The following GPC5 variants were observed in gnomAD, a reference collection of about 807,000 sequenced individuals.
The protein encoded by GPC5 is glypican-5.
In GPC5, 47 loss-of-function variants were observed where a neutral mutation model predicts 53.9. The ratio of observed to expected loss-of-function variants is 0.87; its 90% confidence interval spans 0.69 to 1.11. GPC5 has a LOEUF of 1.11. GPC5 is among the 50% of genes most tolerant of loss of function. The pLI, the probability that GPC5 is intolerant of heterozygous loss-of-function variation, is 0.00. For missense variants in GPC5, 748 were observed against 713.1 expected (o/e 1.05, Z -0.56); for synonymous variants, 286 against 263.3 (o/e 1.09, Z -0.84).
At position 92,286,125 on chromosome 13, in the gene GPC5, A is replaced by G. The variant is rs1468235114; in HGVS notation, c.1561+141136A>G. Among the ~76,000 whole-genome samples the G allele has an allele frequency of 3.9e-5, 6 of 152,340 alleles. No individual in the cohort carries two copies. In the East Asian group the frequency reaches 1.2e-3, roughly 29 times the overall value. ...GAAGACCTTTATGCAGCCAACAGAC[A>G]CGTGAAAAAATGCTCATCATCACTG... On this transcript the variant is annotated intron_variant, in intron 7 of 7. Transcript: ENST00000377067.
At chr13:91,904,230 T>C (rs2039530567) in intron 5 of GPC5, among the ~76,000 whole-genome samples, 1 of 148,298 alleles carries the variant, frequency 6.7e-6, no homozygotes, top group Non-Finnish European at 1.5e-5. Context: ...ACATGGTCAG[T>C]GTGGTGTGAT....
At chr13:92,610,053 A>AAAAAAAAAAAAC (rs1422222293) in intron 7 of GPC5, among the ~76,000 whole-genome samples, 1 of 151,332 alleles carries the variant, frequency 6.6e-6, no homozygotes. Flanking sequence ...AAAAAAAAAA[A>AAAAAAAAAAAAC]AATGAAGTTC....
chr13:91,661,859 C>A (rs977858944), intron 2 of GPC5, among the ~76,000 whole-genome samples: 4 of 152,134 alleles, frequency 2.6e-5, no homozygotes, highest in African/African-American at 9.7e-5. Flanking sequence ...ATTCAGGGCC[C>A]TGTGGGACTT....
At chr13:91,838,621 G>A (rs1262308891) in intron 5 of GPC5, among the ~76,000 whole-genome samples, 1 of 152,008 alleles carries the variant, frequency 6.6e-6, no homozygotes, top group Non-Finnish European at 1.5e-5. Context: ...TGGAATAGAT[G>A]AAAAGATTGG....
At chr13:92,528,059 G>A (rs1040662261) in intron 7 of GPC5, among the ~76,000 whole-genome samples, 2 of 152,030 alleles carry the variant, frequency 1.3e-5, no homozygotes, top group Non-Finnish European at 2.9e-5. Flanking sequence ...GGAAAAAAAT[G>A]ATTGAAATAT....
intron 7 of GPC5, among the ~76,000 whole-genome samples, chr13:92,825,313 A>G (rs887801198): frequency 7.9e-5 from 12 of 152,290 alleles, no homozygotes; most frequent in Admixed American, 5.2e-4. Context: ...AGGACACCAA[A>G]GGTAGTCCTA....
intron 4 of GPC5, among the ~76,000 whole-genome samples, chr13:91,735,478 T>G (rs2036795014): frequency 6.6e-6 from 1 of 151,388 alleles, no homozygotes; most frequent in African/African-American, 2.5e-5. Context: ...GCTTTTGCTT[T>G]TAAGGATTTT....
At chr13:91,663,515 T>G (rs2035034864) in intron 2 of GPC5, among the ~76,000 whole-genome samples, 1 of 152,204 alleles carries the variant, frequency 6.6e-6, no homozygotes, top group South Asian at 2.1e-4. Flanking sequence ...TGGAGTGCAG[T>G]GGCATGTTCA....
At chr13:92,834,292 G>T (rs1878150496) in intron 7 of GPC5, among the ~76,000 whole-genome samples, 1 of 152,130 alleles carries the variant, frequency 6.6e-6, no homozygotes, top group Admixed American at 6.5e-5. Flanking sequence ...AAAAAACTTT[G>T]CATATTTTAC....
At chr13:91,468,123 G>A (rs1460559564) in intron 2 of GPC5, among the ~76,000 whole-genome samples, 4 of 152,136 alleles carry the variant, frequency 2.6e-5, no homozygotes, top group Non-Finnish European at 5.9e-5. Context: ...CAGTGCCTCT[G>A]CTTGGCAGCT....
chr13:92,098,777 G>T (rs866237205), intron 6 of GPC5, among the ~76,000 whole-genome samples: 6 of 152,162 alleles, frequency 3.9e-5, no homozygotes, highest in African/African-American at 1.2e-4. Context: ...GGAGACAGCT[G>T]TGTGATGCTT....
intron 7 of GPC5, among the ~76,000 whole-genome samples, chr13:92,212,452 A>G (rs1250493997): frequency 6.6e-6 from 1 of 152,198 alleles, no homozygotes; most frequent in Admixed American, 6.5e-5. Flanking sequence ...AAAATTCATG[A>G]GCAGCTTTGT....
chr13:92,432,456 T>C (rs1877133906), intron 7 of GPC5, among the ~76,000 whole-genome samples: 1 of 149,390 alleles, frequency 6.7e-6, no homozygotes, highest in African/African-American at 2.5e-5. Flanking sequence ...GGTTCATGCC[T>C]TTCTCCTGCC....
intron 7 of GPC5, among the ~76,000 whole-genome samples, chr13:92,785,367 A>G (rs1876188641): frequency 6.6e-6 from 1 of 152,086 alleles, no homozygotes; most frequent in East Asian, 1.9e-4. Context: ...CCATTAACTC[A>G]TTTTTCATAT....
intron 7 of GPC5, among the ~76,000 whole-genome samples, chr13:92,256,097 T>C (rs1566506500): frequency 6.6e-6 from 1 of 151,866 alleles, no homozygotes; most frequent in African/African-American, 2.4e-5. Context: ...TCTTCATATA[T>C]TCTTGATAAA....
chr13:92,323,371 T>C (rs141570969), intron 7 of GPC5, among the ~76,000 whole-genome samples: 1,521 of 150,590 alleles, frequency 0.01, 26 homozygotes, highest in Middle Eastern at 0.039. Flanking sequence ...CATATATATA[T>C]ATGTTGTGCA....
chr13:92,520,373 A>T (rs559885025), intron 7 of GPC5, among the ~76,000 whole-genome samples: 1 of 152,300 alleles, frequency 6.6e-6, no homozygotes, highest in East Asian at 1.9e-4. Context: ...CGATGCAAAA[A>T]TCCTCAATAA....
chr13:91,767,836 G>A (rs1566672624), intron 5 of GPC5, among the ~76,000 whole-genome samples: 1 of 152,202 alleles, frequency 6.6e-6, no homozygotes, highest in Non-Finnish European at 1.5e-5. Context: ...TGGCACAGAA[G>A]TTGTTATCTC....
chr13:92,722,994 T>C (rs11620497), intron 7 of GPC5, among the ~76,000 whole-genome samples: 39,815 of 151,592 alleles, frequency 0.26, 5,622 homozygotes, highest in Admixed American at 0.38. Context: ...TTAGATGATA[T>C]ATGAAATACT....
Sources: allele counts gnomAD v4.1 joint callset (sites outside exome capture counted in the v4.1 genomes callset), GRCh38; gene constraint gnomAD v4.1.1; transcripts MANE v1.5; gene names NCBI Gene and HGNC (gene_info 2026-07-23, HGNC 2026-07-21).